Variants in CDH12 observed in about 807,000 individuals in gnomAD.
CDH12 encodes cadherin-12.
A neutral mutation model predicts 74.1 loss-of-function variants in CDH12; 41 were observed. That is an observed-to-expected ratio of 0.55 (90% CI 0.43 to 0.72). The LOEUF (loss-of-function observed/expected upper bound fraction) is 0.72. CDH12 is among the 30% of genes least tolerant of loss of function. CDH12 has a pLI of 0.00. For synonymous variants in CDH12, 399 were observed against 355.0 expected (o/e 1.12, Z -1.39); for missense variants, 945 against 977.2 (o/e 0.97, Z 0.44).
intron 1 of CDH12, among the ~76,000 whole-genome samples, chr5:22,540,203 C>T (rs1738039960): frequency 6.6e-6 from 1 of 151,912 alleles, no homozygotes; most frequent in East Asian, 1.9e-4. Context: ...ATATATGTCT[C>T]ATCAGTATGT....
chr5:22,460,718 T>TC (rs1745470331), intron 2 of CDH12, among the ~76,000 whole-genome samples: 1 of 142,406 alleles, frequency 7.0e-6, no homozygotes, highest in Non-Finnish European at 1.5e-5. Context: ...TAGCAATTTT[T>TC]TTTTTTTTTT....
intron 3 of CDH12, among the ~76,000 whole-genome samples, chr5:22,329,225 A>C (rs897588494): frequency 1.3e-5 from 2 of 152,232 alleles, no homozygotes; most frequent in African/African-American, 4.8e-5. Context: ...AACTAAAACA[A>C]AACATTTTAC....
At chr5:21,925,124 A>G (rs747613154) in intron 6 of CDH12, among the ~76,000 whole-genome samples, 1 of 152,234 alleles carries the variant, frequency 6.6e-6, no homozygotes, top group Non-Finnish European at 1.5e-5. Flanking sequence ...AGATGGGAAG[A>G]TCAAATTCTG....
intron 3 of CDH12, among the ~76,000 whole-genome samples, chr5:22,343,370 G>A (rs1304043687): frequency 7.3e-6 from 1 of 137,500 alleles, no homozygotes; most frequent in East Asian, 2.1e-4. Context: ...AGAGAACACA[G>A]ACTAAAAGCT....
rs143534825 is a variant in CDH12 at position 22,545,869 on chromosome 5, C to G, written c.-522-40505G>C. 3.6e-3 allele frequency among the ~76,000 whole-genome samples: 545 copies of G among 152,148 alleles called. 5 individuals are homozygous for G. The highest frequency in any genetic ancestry group is 0.012 in the African/African-American group (512 of 41,508). On this transcript the variant is annotated intron_variant, in intron 1 of 14. Transcript: ENST00000382254. ...ATTGGTGAAAAATGTGCAGTACTTA[C>G]TTTTTTCTTTAAGTATGTTTGAGTT...
intron 4 of CDH12, among the ~76,000 whole-genome samples, chr5:22,098,126 C>T (rs1309871969): frequency 6.6e-6 from 1 of 152,134 alleles, no homozygotes; most frequent in African/African-American, 2.4e-5. Flanking sequence ...CCCTTCATCC[C>T]AGCCTCTCTT....
intron 4 of CDH12, among the ~76,000 whole-genome samples, chr5:22,111,224 A>G (rs1281468606): frequency 1.3e-5 from 2 of 152,118 alleles, no homozygotes; most frequent in Non-Finnish European, 2.9e-5. Context: ...TATGGAGGTA[A>G]CACTCTTGTT....
At chr5:22,331,749 A>G (rs766745236) in intron 3 of CDH12, among the ~76,000 whole-genome samples, 2 of 152,242 alleles carry the variant, frequency 1.3e-5, no homozygotes, top group Non-Finnish European at 2.9e-5. Flanking sequence ...ATGAAACTCA[A>G]ATAAATTCAA....
At chr5:22,844,731 C>T (rs1044599827) in intron 1 of CDH12, among the ~76,000 whole-genome samples, 1 of 152,092 alleles carries the variant, frequency 6.6e-6, no homozygotes, top group South Asian at 2.1e-4. Context: ...TTTCATAATG[C>T]AATTAAATCC....
intron 4 of CDH12, among the ~76,000 whole-genome samples, chr5:22,091,578 T>C (rs1264941929): frequency 2.0e-5 from 3 of 151,954 alleles, no homozygotes; most frequent in African/African-American, 7.2e-5. Context: ...TGTAAATGAG[T>C]GGGCATAAAA....
intron 6 of CDH12, among the ~76,000 whole-genome samples, chr5:21,972,256 CT>C (rs1055501556): frequency 2.6e-5 from 4 of 152,026 alleles, no homozygotes; most frequent in African/African-American, 9.6e-5. Flanking sequence ...TAATTCTTCC[CT>C]TTTTTTGGAA....
At chr5:21,978,750 G>T (rs1222215799) in intron 5 of CDH12, among the ~76,000 whole-genome samples, 1 of 152,220 alleles carries the variant, frequency 6.6e-6, no homozygotes, top group South Asian at 2.1e-4. Flanking sequence ...ATGTGCGTGT[G>T]TGTATGTATG....
chr5:22,510,147 C>T (rs935146171), intron 1 of CDH12, among the ~76,000 whole-genome samples: 2 of 151,828 alleles, frequency 1.3e-5, no homozygotes, highest in South Asian at 2.1e-4. Context: ...CATTTAAAGC[C>T]TTCAGAGAAA....
chr5:22,623,255 G>T (rs1451371068), intron 1 of CDH12, among the ~76,000 whole-genome samples: 1 of 152,126 alleles, frequency 6.6e-6, no homozygotes, highest in African/African-American at 2.4e-5. Flanking sequence ...TTTGAAAACT[G>T]GCACAAGACA....
In CDH12 at chr5:22,308,071, G is replaced by A. The variant is rs187975430; in HGVS notation, c.-332-95428C>T. Among the ~76,000 whole-genome samples, 1,190 of 151,520 alleles carry A rather than the reference G, an allele frequency of 7.9e-3. 10 individuals are homozygous for A. Among genetic ancestry groups the A allele is most frequent in the African/African-American group, 0.027 (1,132 of 41,312 alleles). Reference sequence around the variant, plus strand: ...AATTTTTTGTATTTTTAGTAGAAACGGGGTTTCACCACGTTAGCCAGGATG... The same window carrying A: ...AATTTTTTGTATTTTTAGTAGAAACAGGGTTTCACCACGTTAGCCAGGATG... On this transcript the variant is annotated intron_variant, in intron 3 of 14. Coordinates refer to ENST00000382254, the MANE Select transcript of CDH12 (RefSeq NM_004061.5).
At chr5:22,840,251 G>C (rs940256224) in intron 1 of CDH12, among the ~76,000 whole-genome samples, 1 of 152,066 alleles carries the variant, frequency 6.6e-6, no homozygotes, top group African/African-American at 2.4e-5. Context: ...CTCTGGAATA[G>C]CTGGGACTAC....
intron 1 of CDH12, among the ~76,000 whole-genome samples, chr5:22,751,410 A>G (rs1390209166): frequency 6.6e-6 from 1 of 150,570 alleles, no homozygotes; most frequent in East Asian, 1.9e-4. Context: ...ATCTGAGTCC[A>G]GATCTTTTGG....
chr5:22,573,657 T>A (rs905664975), intron 1 of CDH12, among the ~76,000 whole-genome samples: 2 of 152,212 alleles, frequency 1.3e-5, no homozygotes, highest in Non-Finnish European at 2.9e-5. Flanking sequence ...CTTTTAAGTG[T>A]ACTATTGAAT....
chr5:21,781,707 G>C (rs1328747754), intron 11 of CDH12, among the ~76,000 whole-genome samples: 1 of 143,294 alleles, frequency 7.0e-6, no homozygotes, highest in Non-Finnish European at 1.5e-5. Context: ...CTAGGTGACA[G>C]AGTGAGACTA....
Sources: gnomAD v4.1 joint callset for allele counts (sites outside exome capture counted in the v4.1 genomes callset) on GRCh38, gnomAD v4.1.1 for gene constraint, MANE v1.5 for transcripts, NCBI Gene and HGNC (gene_info 2026-07-23, HGNC 2026-07-21) for gene names.